HM13: variants seen among roughly 807,000 people sequenced by gnomAD.
HM13 encodes histocompatibility minor 13.
HM13 carries 18 observed loss-of-function variants against 50.0 expected under a neutral mutation model. The ratio of observed to expected loss-of-function variants is 0.36; its 90% CI spans 0.25 to 0.53. The LOEUF is 0.53. Among genes scored for constraint, HM13 ranks in the 20% least tolerant of loss-of-function variants. The pLI, the probability that HM13 is intolerant of heterozygous loss-of-function variation, is 0.90. For missense variants in HM13, 393 were observed against 552.4 expected, an observed-to-expected ratio of 0.71 and a Z score of 2.89; for synonymous variants, 197 against 232.6, an observed-to-expected ratio of 0.85 and a Z score of 1.39.
intron 7 of HM13, among the ~76,000 whole-genome samples, chr20:31,553,841 C>A (rs972271822): frequency 6.6e-5 from 10 of 151,966 alleles, no homozygotes; most frequent in African/African-American, 2.4e-4. Context: ...AGCTTATAGC[C>A]CGGGCTCACC....
chr20:31,561,499 C>T (rs1984608690), intron 9 of HM13, 135 bp from the exon 10 acceptor site: 2 of 671,200 alleles, frequency 3.0e-6, no homozygotes, highest in African/African-American at 1.8e-5. Context: ...TGCACACCCA[C>T]CTCCAGACTC....
intron 6 of HM13, 63 bp downstream of exon 6, chr20:31,549,395 C>A: frequency 1.2e-6 from 2 of 1,603,742 alleles, no homozygotes; most frequent in Non-Finnish European, 1.7e-6. Context: ...ATCACCCTGC[C>A]TCTCTGGCCC....
intron 10 of HM13, among the ~76,000 whole-genome samples, chr20:31,565,182 G>A (rs1394818644): frequency 1.7e-4 from 23 of 137,720 alleles, no homozygotes; most frequent in African/African-American, 2.8e-4. Flanking sequence ...AAAAAAAAAA[G>A]AAAGAAACTC....
intron 3 of HM13, chr20:31,539,985 A>G (rs537239713): frequency 6.6e-6 from 1 of 152,338 alleles, no homozygotes; most frequent in Admixed American, 6.5e-5. Flanking sequence ...TGGAGAGACT[A>G]CAGGTACCTC....
intron 6 of HM13, 81 bp from the exon 7 acceptor site, chr20:31,549,983 C>A: frequency 9.7e-7 from 1 of 1,035,804 alleles, no homozygotes; most frequent in Non-Finnish European, 1.5e-6. Flanking sequence ...GGCAGCAGCA[C>A]ATCTAGAAGC....
intron 4 of HM13, chr20:31,547,746 T>C (rs1482181496): frequency 3.9e-6 from 4 of 1,029,094 alleles, no homozygotes; most frequent in Admixed American, 2.0e-5. Context: ...TTTGTCCAAC[T>C]CTAAGGTTGC....
At chr20:31,549,912 G>A in intron 6 of HM13, 152 bp from the exon 7 acceptor site, 1 of 689,758 alleles carries the variant, frequency 1.4e-6, no homozygotes, top group Non-Finnish European at 2.7e-6. Flanking sequence ...CAGTATCAGT[G>A]GCCACCTCAC....
chr20:31,522,108 C>T (rs1271454505), intron 1 of HM13, among the ~76,000 whole-genome samples: 1 of 152,074 alleles, frequency 6.6e-6, no homozygotes, highest in African/African-American at 2.4e-5. Context: ...GGCCTCTTCC[C>T]ACCCAGGGTG....
At position 31,569,246 on chromosome 20, in the gene HM13, G is replaced by A. The variant is rs1055643166; in HGVS notation, c.*27G>A. ...GCAGCTGGTGCCCGAGCCTCTCAGG[G>A]CCAGACCAGACAGATGGGGGCTGGG... is the stretch of plus-strand genomic sequence containing the variant. On this transcript the variant is annotated 3_prime_UTR_variant, in exon 13 of 13. Transcript: ENST00000398174. 1.4e-6 allele frequency: 2 copies of A among 1,473,998 alleles called. No individual in the cohort carries two copies. Among genetic ancestry groups the A allele is most frequent in the Non-Finnish European group, 1.9e-6 (2 of 1,072,938 alleles). The allele number at this position is 1,473,998 out of a possible 1,614,324, so 91.3% of individuals were successfully genotyped here.
intron 11 of HM13, 52 bp from the exon 12 acceptor site, chr20:31,568,026 G>A: frequency 1.4e-6 from 2 of 1,472,706 alleles, no homozygotes; most frequent in Non-Finnish European, 1.8e-6. Context: ...TCCTCCCTTA[G>A]TCTTTCCCTA....
At chr20:31,524,669 T>A (rs1480197478) in intron 1 of HM13, among the ~76,000 whole-genome samples, 1 of 151,926 alleles carries the variant, frequency 6.6e-6, no homozygotes, top group Non-Finnish European at 1.5e-5. Context: ...AAAGACTTTT[T>A]TTATTATTAT....
At chr20:31,551,121 T>G (rs774402201) in intron 7 of HM13, among the ~76,000 whole-genome samples, 3 of 152,228 alleles carry the variant, frequency 2.0e-5, no homozygotes, top group Non-Finnish European at 4.4e-5. Flanking sequence ...TATTCCAGAA[T>G]TCAAACAAAG....
At chr20:31,546,889 C>A (rs182408508) in intron 4 of HM13, among the ~76,000 whole-genome samples, 11 of 152,216 alleles carry the variant, frequency 7.2e-5, no homozygotes, top group African/African-American at 2.6e-4. Flanking sequence ...GGTCAGTGCA[C>A]TCCAGCCTGG....
At chr20:31,527,231 G>A (rs1271856627) in intron 1 of HM13, among the ~76,000 whole-genome samples, 1 of 152,118 alleles carries the variant, frequency 6.6e-6, no homozygotes, top group Non-Finnish European at 1.5e-5. Flanking sequence ...CCAGCTACTC[G>A]GGAGGCTGAG....
intron 10 of HM13, among the ~76,000 whole-genome samples, chr20:31,564,515 T>C (rs1322586511): frequency 6.6e-6 from 1 of 151,734 alleles, no homozygotes; most frequent in Non-Finnish European, 1.5e-5. Flanking sequence ...AGGTCAAGGC[T>C]ACAGTGAGCC....
At chr20:31,548,943 A>G (rs772606460) in intron 4 of HM13, 86 bp from the exon 5 acceptor site, 2 of 1,169,494 alleles carry the variant, frequency 1.7e-6, no homozygotes, top group Non-Finnish European at 1.3e-6. Context: ...CAGTGCCCAC[A>G]GCCATGCCCT....
Position 31,568,211 on chromosome 20 carries a change from A to G in HM13, c.1168A>G (p.Asn390Asp). 1 of 1,612,798 alleles carries G rather than the reference A, an allele frequency of 6.2e-7. No homozygotes were observed. The highest frequency in any genetic ancestry group is 8.5e-7 in the Non-Finnish European group (1 of 1,179,860). Reference protein sequence around the residue: ...LAGPRRRRPQNPSAIYEESNP... With the variant: ...LAGPRRRRPQDPSAIYEESNP... ...TGGCCCTCGCCGCCGGCGCCCGCAG[A>G]ATCCCAGCGCCATGTAATGCCCAGC... is the stretch of plus-strand genomic sequence containing the variant. The change falls in exon 12 of 13, where the codon AAT becomes GAT. Residue 390 changes from asparagine to aspartate, a missense_variant. Asn to Asp is a conservative substitution (Grantham distance 23). Transcript: ENST00000398174.
In HM13 at chr20:31,569,306, G is replaced by A. The variant is rs1483789679; in HGVS notation, c.*87G>A. ...GCGTGCACCGGTAGAGGGCACAGGA[G>A]GCCAAGGGCAGCTCCAGGACAGGGC... On this transcript the variant is annotated 3_prime_UTR_variant, in exon 13 of 13. Coordinates refer to ENST00000398174, the MANE Select transcript of HM13 (RefSeq NM_178581.3). The A allele has an allele frequency of 7.8e-6, 7 of 897,554 alleles. No homozygotes were observed. The East Asian group carries it at 1.6e-4, about 20-fold the overall frequency. The allele number at this position is 897,554 out of a possible 1,614,324, so 55.6% of individuals were successfully genotyped here.
At chr20:31,568,899 G>A (rs907064369) in intron 12 of HM13, among the ~76,000 whole-genome samples, 6 of 152,202 alleles carry the variant, frequency 3.9e-5, no homozygotes, top group African/African-American at 1.4e-4. Context: ...CTGCCTCCTG[G>A]TACCCCCAGG....
Sources: gnomAD v4.1 joint callset for allele counts (sites outside exome capture counted in the v4.1 genomes callset) on GRCh38, gnomAD v4.1.1 for gene constraint, MANE v1.5 for transcripts, NCBI Gene and HGNC (gene_info 2026-07-23, HGNC 2026-07-21) for gene names.